Variants in XYLT1 observed in about 807,000 individuals in gnomAD.
XYLT1 encodes the protein beta-D-xylosyltransferase 1.
In XYLT1, 36 loss-of-function variants were observed where a neutral mutation model predicts 91.3. The observed-to-expected ratio is 0.39, with a 90% CI of 0.30 to 0.52. XYLT1 has a LOEUF of 0.52. Among genes scored for constraint, XYLT1 ranks in the 20% least tolerant of loss-of-function variants. XYLT1 has a pLI of 0.68. For missense variants in XYLT1, 1,242 were observed against 1,284.5 expected (o/e 0.97, Z 0.51); for synonymous variants, 588 against 532.0 (o/e 1.11, Z -1.45).
intron 5 of XYLT1, among the ~76,000 whole-genome samples, chr16:17,184,060 A>G (rs2032126763): frequency 6.6e-6 from 1 of 152,094 alleles, no homozygotes; most frequent in Non-Finnish European, 1.5e-5. Context: ...ACTCTACAAT[A>G]AAGACCACCC....
intron 2 of XYLT1, among the ~76,000 whole-genome samples, chr16:17,323,902 T>C (rs143159010): frequency 6.6e-6 from 1 of 152,212 alleles, no homozygotes; most frequent in Non-Finnish European, 1.5e-5. Flanking sequence ...AAGCATCATA[T>C]GTAGCTTTAA....
At chr16:17,248,097 C>T (rs1394236835) in intron 3 of XYLT1, among the ~76,000 whole-genome samples, 3 of 152,144 alleles carry the variant, frequency 2.0e-5, no homozygotes, top group African/African-American at 7.2e-5. Context: ...TGGGAGGAAC[C>T]TGGTGGGAGG....
In XYLT1 at chr16:17,470,438, G is replaced by A. The variant is rs1187139126; in HGVS notation, c.359C>T (p.Ala120Val). The part of the protein sequence containing the change: ...PASRGALPAR[A>V]LDPHPSPLIT... Reference sequence around the variant, plus strand: ...CGAGCCGAAAGGGCATCTTACCAGAGCCCGGGCGGGCAGTGCCCCCCGGCT... The same window carrying A: ...CGAGCCGAAAGGGCATCTTACCAGAACCCGGGCGGGCAGTGCCCCCCGGCT... The change falls in exon 1 of 12, where the codon GCT (alanine) becomes GTT (valine). Residue 120 changes from alanine (A) to valine (V), a missense_variant. Ala to Val is a moderately conservative substitution (Grantham distance 64). Around this residue, in one of 3 missense-constraint regions of XYLT1, gnomAD observed 437 missense variants for 411.5 expected, o/e 1.06. Coordinates refer to ENST00000261381, the MANE Select transcript of XYLT1 (RefSeq NM_022166.4). 3 of 1,230,524 alleles carry A rather than the reference G, an allele frequency of 2.4e-6. No homozygotes were observed. In the East Asian group the frequency reaches 9.5e-5, roughly 39 times the overall value. 76.2% of individuals were successfully genotyped at this position (1,230,524 alleles called of 1,614,324 possible).
At chr16:17,426,884 TGAAGACCAGAATACTAAGAA>T (rs2036325267) in intron 1 of XYLT1, among the ~76,000 whole-genome samples, 1 of 152,054 alleles carries the variant, frequency 6.6e-6, no homozygotes, top group Non-Finnish European at 1.5e-5. Flanking sequence ...GACATTTGAG[TGAAGACCAGAATACTAAGAA>T]GGTGTCAGCC....
At chr16:17,216,766 G>A (rs985747517) in intron 3 of XYLT1, among the ~76,000 whole-genome samples, 2 of 152,182 alleles carry the variant, frequency 1.3e-5, no homozygotes, top group Admixed American at 6.5e-5. Context: ...ATGCTAGCAA[G>A]TAATGGAGCT....
intron 10 of XYLT1, among the ~76,000 whole-genome samples, chr16:17,125,221 G>A (rs74010709): frequency 6.6e-5 from 10 of 152,192 alleles, no homozygotes; most frequent in African/African-American, 2.4e-4. Flanking sequence ...TCCTTCAAAG[G>A]CTCTATGGAT....
At chr16:17,271,445 G>C (rs900710353) in intron 2 of XYLT1, among the ~76,000 whole-genome samples, 4 of 152,080 alleles carry the variant, frequency 2.6e-5, no homozygotes, top group South Asian at 2.1e-4. Context: ...AAGAGACACA[G>C]AGAGAGAGAC....
chr16:17,450,148 G>A (rs2036645828), intron 1 of XYLT1, among the ~76,000 whole-genome samples: 2 of 152,198 alleles, frequency 1.3e-5, no homozygotes, highest in South Asian at 4.1e-4. Flanking sequence ...GACCAGCCTG[G>A]CCAACATGGT....
intron 5 of XYLT1, among the ~76,000 whole-genome samples, chr16:17,180,719 T>A (rs2032048575): frequency 1.3e-5 from 2 of 152,222 alleles, no homozygotes; most frequent in Non-Finnish European, 2.9e-5. Flanking sequence ...TTGGATTAAC[T>A]GGTCTTATAG....
rs769757638 is a variant in XYLT1, at chr16:17,385,277, C to T, written c.364-27227G>A. On this transcript the variant is annotated intron_variant, in intron 1 of 11. Coordinates refer to ENST00000261381, the MANE Select transcript of XYLT1 (RefSeq NM_022166.4). ...ACACACATAAACACACATACACACACACACACACACACACACACACACACA... is the reference window on the plus strand; with the variant it reads ...ACACACATAAACACACATACACACATACACACACACACACACACACACACA... Among the ~76,000 whole-genome samples the T allele has an allele frequency of 8.8e-3, 1,243 of 142,006 alleles. 14 individuals carry two copies. Among genetic ancestry groups the T allele is most frequent in the Middle Eastern group, 0.024 (7 of 290 alleles). 93.2% of individuals were successfully genotyped at this position (142,006 alleles called of 152,430 possible). A position where few individuals can be genotyped will look rare whatever the true frequency, so the allele number is the denominator to read the frequency against.
chr16:17,135,250 T>TC (rs2030669852), intron 8 of XYLT1, among the ~76,000 whole-genome samples: 1 of 152,192 alleles, frequency 6.6e-6, no homozygotes, highest in Non-Finnish European at 1.5e-5. Flanking sequence ...TGGTGGCTGT[T>TC]CCTTTAGACA....
intron 2 of XYLT1, among the ~76,000 whole-genome samples, chr16:17,290,545 G>A (rs1448972773): frequency 2.6e-5 from 4 of 152,236 alleles, no homozygotes; most frequent in South Asian, 2.1e-4. Flanking sequence ...ATCCCCTACT[G>A]TACTCTTAGC....
At chr16:17,421,242 A>G (rs564388868) in intron 1 of XYLT1, among the ~76,000 whole-genome samples, 1 of 152,284 alleles carries the variant, frequency 6.6e-6, no homozygotes, top group East Asian at 1.9e-4. Context: ...AGTCTAAGAT[A>G]GGAGAATCAC....
chr16:17,257,766 A>G (rs1468777614), intron 3 of XYLT1, among the ~76,000 whole-genome samples: 2 of 152,144 alleles, frequency 1.3e-5, no homozygotes, highest in African/African-American at 4.8e-5. Context: ...CTCATCTGAA[A>G]AAAATTGGGC....
In XYLT1 at chr16:17,309,214, T is replaced by C. The variant is rs549542980; in HGVS notation, c.402+48798A>G. On this transcript the variant is annotated intron_variant, in intron 2 of 11. Transcript: ENST00000261381. ...GTGCTGTCCTATGCAGTGTAGGATG[T>C]TGAGCAGCATCCTTGGCTCTACCCA... Among the ~76,000 whole-genome samples the C allele has an allele frequency of 4.6e-5, 7 of 152,262 alleles. No individual in the cohort carries two copies. In the East Asian group the frequency reaches 9.7e-4, roughly 21 times the overall value.
rs574445917 is a variant in XYLT1 at position 17,409,146 on chromosome 16, A to G, written c.364-51096T>C. Among the ~76,000 whole-genome samples, 39 of 152,346 alleles carry G rather than the reference A, an allele frequency of 2.6e-4. No homozygotes were observed. In the South Asian group the frequency reaches 7.9e-3, roughly 31 times the overall value. ...AAGGAGCAGGAAGCTGCCAAAGTGT[A>G]CCAGAACCTCCTCCTTCGACGCTAG... is the stretch of plus-strand genomic sequence containing the variant. On this transcript the variant is annotated intron_variant, in intron 1 of 11. Coordinates refer to ENST00000261381, the MANE Select transcript of XYLT1 (RefSeq NM_022166.4).
At chr16:17,361,915 A>C (rs1271054138) in intron 1 of XYLT1, among the ~76,000 whole-genome samples, 1 of 152,222 alleles carries the variant, frequency 6.6e-6, no homozygotes, top group Non-Finnish European at 1.5e-5. Flanking sequence ...ACTGGGCTTA[A>C]CTTCTATGCG....
chr16:17,381,097 C>T (rs1167001937), intron 1 of XYLT1, among the ~76,000 whole-genome samples: 1 of 152,054 alleles, frequency 6.6e-6, no homozygotes, highest in Non-Finnish European at 1.5e-5. Flanking sequence ...CAATTAATCG[C>T]TAATGTTTGA....
chr16:17,161,136 T>C (rs865799752), intron 5 of XYLT1, among the ~76,000 whole-genome samples: 1 of 152,320 alleles, frequency 6.6e-6, no homozygotes, highest in Non-Finnish European at 1.5e-5. Context: ...GCAGTTCCAT[T>C]TGGCAATCCC....
Sources: allele counts gnomAD v4.1 joint callset (sites outside exome capture counted in the v4.1 genomes callset), GRCh38; gene constraint gnomAD v4.1.1; regional missense constraint gnomAD v4.1.1; transcripts MANE v1.5; gene names NCBI Gene and HGNC (gene_info 2026-07-23, HGNC 2026-07-21).